The following PDCD6IP variants were observed in gnomAD, a reference collection of about 807,000 sequenced individuals.
PDCD6IP encodes the protein programmed cell death 6 interacting protein.
A neutral mutation model predicts 103.7 loss-of-function variants in PDCD6IP; 43 were observed. That is an observed-to-expected ratio of 0.41 (90% confidence interval 0.32 to 0.53). The LOEUF (loss-of-function observed/expected upper bound fraction) is 0.53, where lower values mean the gene tolerates loss of function less well. Ranked by LOEUF, PDCD6IP falls within the 20% of genes least tolerant of loss-of-function variation. The pLI is 0.16. For missense variants in PDCD6IP, 871 were observed against 1,036.7 expected (o/e 0.84, Z 2.20); for synonymous variants, 354 against 378.7 (o/e 0.93, Z 0.76).
chr3:33,836,001 C>G, intron 7 of PDCD6IP, 43 bp from the exon 8 acceptor site: 6 of 1,043,020 alleles, frequency 5.8e-6, no homozygotes, highest in Non-Finnish European at 8.6e-6. Context: ...AATAAAATCA[C>G]CTCCCTCTTT....
intron 1 of PDCD6IP, among the ~76,000 whole-genome samples, chr3:33,803,677 T>A (rs1372150853): frequency 1.3e-5 from 2 of 152,180 alleles, no homozygotes; most frequent in Non-Finnish European, 2.9e-5. Flanking sequence ...TTATTCCTAA[T>A]GTTGTGCATG....
intron 1 of PDCD6IP, among the ~76,000 whole-genome samples, chr3:33,804,778 C>T (rs1696554907): frequency 6.6e-6 from 1 of 152,120 alleles, no homozygotes; most frequent in Admixed American, 6.5e-5. Context: ...TACTTTTTGC[C>T]ATACTCTCTG....
chr3:33,807,397 C>G (rs1696621601), intron 1 of PDCD6IP, among the ~76,000 whole-genome samples: 1 of 152,232 alleles, frequency 6.6e-6, no homozygotes, highest in Non-Finnish European at 1.5e-5. Context: ...GCTTCTAGCT[C>G]CTGTCACCCT....
chr3:33,823,466 G>T (rs1697041214), intron 4 of PDCD6IP, among the ~76,000 whole-genome samples: 1 of 152,152 alleles, frequency 6.6e-6, no homozygotes, highest in South Asian at 2.1e-4. Flanking sequence ...TTCTTTTTGA[G>T]GCTATACATG....
At chr3:33,854,310 G>T (rs1697783227) in intron 14 of PDCD6IP, among the ~76,000 whole-genome samples, 1 of 152,142 alleles carries the variant, frequency 6.6e-6, no homozygotes, top group Non-Finnish European at 1.5e-5. Flanking sequence ...GGGATAGGAA[G>T]TTGACTAATT....
At chr3:33,848,973 C>T (rs748742549) in intron 12 of PDCD6IP, among the ~76,000 whole-genome samples, 2 of 152,310 alleles carry the variant, frequency 1.3e-5, no homozygotes, top group South Asian at 2.1e-4. Context: ...AGTGTTAATA[C>T]ATTTTTGTTG....
Position 33,828,661 on chromosome 3 carries a change from A to T in PDCD6IP, c.718-192A>T, listed in dbSNP as rs1451341854. The T allele has an allele frequency of 9.6e-6, 4 of 416,374 alleles. No homozygotes were observed. In the Admixed American group the frequency reaches 1.4e-4, roughly 14 times the overall value. The allele number at this position is 416,374 out of a possible 1,614,324, so 25.8% of individuals were successfully genotyped here. On this transcript the variant is annotated intron_variant, in intron 6 of 17. Transcript: ENST00000307296. ...CCTTCAATTGGAAGAAAAAAAATTTAATTCATAGATTTCAATCCACACAAA... is the reference window on the plus strand; with the variant it reads ...CCTTCAATTGGAAGAAAAAAAATTTTATTCATAGATTTCAATCCACACAAA...
At chr3:33,847,689 C>T (rs1240588152) in intron 12 of PDCD6IP, among the ~76,000 whole-genome samples, 7 of 152,156 alleles carry the variant, frequency 4.6e-5, no homozygotes, top group Admixed American at 2.0e-4. Context: ...TTTTCAGTCT[C>T]TTTGGACATC....
intron 12 of PDCD6IP, among the ~76,000 whole-genome samples, chr3:33,848,206 A>G (rs928768558): frequency 3.3e-5 from 5 of 152,130 alleles, no homozygotes; most frequent in Admixed American, 1.3e-4. Flanking sequence ...TTGAAGGCCT[A>G]CTATTCCAGA....
In PDCD6IP at chr3:33,866,491, A is replaced by G; in HGVS notation, c.2573A>G (p.Gln858Arg). Residue 858 changes from glutamine to arginine, a missense_variant, in exon 18 of 18, where the codon CAG becomes CGG. By Grantham distance (43) the Gln-to-Arg change is conservative (BLOSUM62 1). Transcript: ENST00000307296. ...GPQQPSYPFP[Q>R]PPQQSYYPQQ ...CAGCAGCCTTCATACCCCTTCCCTC[A>G]GCCCCCACAGCAGTCTTACTATCCA... 3 of 1,610,618 alleles carry G rather than the reference A, an allele frequency of 1.9e-6. No individual in the cohort carries two copies. The highest frequency in any genetic ancestry group is 2.5e-6 in the Non-Finnish European group (3 of 1,178,916).
chr3:33,824,768 T>C (rs914798239), intron 4 of PDCD6IP, among the ~76,000 whole-genome samples: 2 of 152,374 alleles, frequency 1.3e-5, no homozygotes, highest in African/African-American at 4.8e-5. Flanking sequence ...GTGTATGTAC[T>C]ACCTGGGGTG....
chr3:33,840,526 A>G (rs903161740), intron 9 of PDCD6IP, among the ~76,000 whole-genome samples: 1 of 152,232 alleles, frequency 6.6e-6, no homozygotes. Flanking sequence ...ATTTTTCTCT[A>G]ACAAGAAAGG....
chr3:33,833,244 T>C (rs952691209), intron 7 of PDCD6IP, among the ~76,000 whole-genome samples: 2 of 152,124 alleles, frequency 1.3e-5, no homozygotes, highest in African/African-American at 4.8e-5. Flanking sequence ...TTAATAGTCA[T>C]AATCCAGTAT....
At chr3:33,849,893 CA>C (rs766723908) in intron 12 of PDCD6IP, among the ~76,000 whole-genome samples, 23 of 152,104 alleles carry the variant, frequency 1.5e-4, no homozygotes, top group Non-Finnish European at 3.4e-4. Context: ...TGGTAGTCCA[CA>C]AGTTCGTTCA....
At chr3:33,847,296 T>C (rs1457776337) in intron 12 of PDCD6IP, among the ~76,000 whole-genome samples, 1 of 152,240 alleles carries the variant, frequency 6.6e-6, no homozygotes, top group African/African-American at 2.4e-5. Flanking sequence ...TGCACTGATA[T>C]ATTGCTATTT....
At chr3:33,816,510 AAAAAAAAAAAAAAAAAAAGAAAAT>A (rs1696855702) in intron 3 of PDCD6IP, among the ~76,000 whole-genome samples, 1 of 150,720 alleles carries the variant, frequency 6.6e-6, no homozygotes, top group African/African-American at 2.4e-5. Flanking sequence ...GTCTAAAAAA[AAAAAAAAAAAAAAAAAAAGAAAAT>A]ATCTCCAGGT....
rs1432383403 is a variant in PDCD6IP, at chr3:33,855,363, C to T, written c.2120+103C>T. ...TTGGTAGTATGAGATAGCAATTTTC[C>T]TCTTCTCATGGAAGAAGGAACTAGA... On this transcript the variant is annotated intron_variant, in intron 15 of 17. Transcript: ENST00000307296. 7 of 669,606 alleles carry T rather than the reference C, an allele frequency of 1.0e-5. No individual in the cohort carries two copies. The East Asian group carries it at 1.1e-4, about 11-fold the overall frequency. 41.5% of individuals were successfully genotyped at this position (669,606 alleles called of 1,614,324 possible).
chr3:33,856,548 T>C (rs1007889694), intron 15 of PDCD6IP, among the ~76,000 whole-genome samples: 4 of 152,014 alleles, frequency 2.6e-5, no homozygotes, highest in African/African-American at 9.7e-5. Context: ...GATAGAACAG[T>C]TATTTAACGT....
At position 33,846,931 on chromosome 3, in the gene PDCD6IP, C is replaced by T. The variant is rs193301797; in HGVS notation, c.1641+1343C>T. Among the ~76,000 whole-genome samples the T allele has an allele frequency of 5.3e-5, 8 of 152,218 alleles. No individual in the cohort carries two copies. In the East Asian group the frequency reaches 1.4e-3, roughly 26 times the overall value. On this transcript the variant is annotated intron_variant, in intron 12 of 17. Transcript: ENST00000307296. The stretch of plus-strand genomic sequence containing the variant: ...AAATGCACAGGTACTGGGCACCTCT[C>T]AAAGGGAAGAGAAGGCTACATAGTT...
Sources: gnomAD v4.1 joint callset for allele counts (sites outside exome capture counted in the v4.1 genomes callset) on GRCh38, gnomAD v4.1.1 for gene constraint, MANE v1.5 for transcripts, NCBI Gene and HGNC (gene_info 2026-07-23, HGNC 2026-07-21) for gene names.